The following KIF13A variants were observed in gnomAD, a reference collection of about 807,000 sequenced individuals.
KIF13A encodes kinesin-like protein KIF13A.
In KIF13A, 79 loss-of-function variants were observed where a neutral mutation model predicts 212.2. The observed-to-expected ratio is 0.37, with a 90% CI of 0.31 to 0.45. The LOEUF (loss-of-function observed/expected upper bound fraction) is 0.45. KIF13A is among the 20% of genes least tolerant of loss of function. KIF13A has a pLI of 1.00. For synonymous variants in KIF13A, 789 were observed against 808.6 expected, an observed-to-expected ratio of 0.98 and a Z score of 0.41; for missense variants, 1,901 against 2,209.0, an observed-to-expected ratio of 0.86 and a Z score of 2.79.
At chr6:17,975,578 C>G (rs1011125441) in intron 2 of KIF13A, among the ~76,000 whole-genome samples, 1 of 152,266 alleles carries the variant, frequency 6.6e-6, no homozygotes, top group African/African-American at 2.4e-5. Context: ...GAACAAAACG[C>G]GAACAAGTTA....
At chr6:17,803,941 A>G (rs931578818) in intron 20 of KIF13A, among the ~76,000 whole-genome samples, 2 of 152,236 alleles carry the variant, frequency 1.3e-5, no homozygotes, top group African/African-American at 2.4e-5. Context: ...TCACAAGGTC[A>G]GGAGATCAAG....
At chr6:17,880,193 T>C (rs1272515296) in intron 3 of KIF13A, among the ~76,000 whole-genome samples, 1 of 152,178 alleles carries the variant, frequency 6.6e-6, no homozygotes, top group Non-Finnish European at 1.5e-5. Context: ...TAGCCTCAAG[T>C]GATCTTCCTG....
rs1412719503 is a variant in KIF13A, at chr6:17,816,806, TG to T, written c.2000+213del. 6.6e-6 allele frequency among the ~76,000 whole-genome samples: 1 copy of T among 152,192 alleles called. No homozygotes were observed. Among genetic ancestry groups the T allele is most frequent in the Non-Finnish European group, 1.5e-5 (1 of 68,034 alleles). Reference sequence around the variant, plus strand: ...CATTTTTATTGAAGGGTAAATGGTTTGGGGGTAGGAGGGGTCTTTAACAGCT... The same window carrying T: ...CATTTTTATTGAAGGGTAAATGGTTTGGGGTAGGAGGGGTCTTTAACAGCT... On this transcript the variant is annotated intron_variant, in intron 17 of 38. Transcript: ENST00000259711. This position sits in a 1 kb window ranked among gnomAD's most constrained non-coding sequence, Gnocchi z 4.3.
intron 3 of KIF13A, among the ~76,000 whole-genome samples, chr6:17,890,302 C>CT (rs1222398851): frequency 6.6e-6 from 1 of 151,718 alleles, no homozygotes; most frequent in Non-Finnish European, 1.5e-5. Context: ...AGGAAGAATT[C>CT]TTTTTTTATT....
At chr6:17,944,246 C>T (rs1777192079) in intron 2 of KIF13A, among the ~76,000 whole-genome samples, 1 of 152,190 alleles carries the variant, frequency 6.6e-6, no homozygotes, top group Admixed American at 6.5e-5. Flanking sequence ...AAACTTCACC[C>T]TGTTTTCTGA....
intron 2 of KIF13A, among the ~76,000 whole-genome samples, chr6:17,979,442 T>C (rs1011675913): frequency 3.3e-5 from 5 of 152,290 alleles, no homozygotes; most frequent in Middle Eastern, 3.4e-3. Context: ...GGAAGTTCAA[T>C]AGAAAAGGGA....
At chr6:17,823,417 C>T (rs1764648228) in intron 16 of KIF13A, among the ~76,000 whole-genome samples, 1 of 150,940 alleles carries the variant, frequency 6.6e-6, no homozygotes, top group Admixed American at 6.6e-5. Context: ...CTCTCCCCGC[C>T]CCCCACTTCC....
Position 17,775,062 on chromosome 6 carries a change from C to T in KIF13A, c.4171G>A (p.Val1391Ile), listed in dbSNP as rs753403109. Residue 1391 changes from valine (V) to isoleucine (I), a missense_variant and splice_region_variant, in exon 35 of 39, where the codon GTC (valine) becomes ATC (isoleucine). Transcript: ENST00000259711. ...GAAAGGTCCGGTCGGCTGGAAGAGA[C>T]CTATAAGAGAAGAATGGTTTTAGCA... The part of the protein sequence containing the change: ...RSLSTPNVHN[V>I]SSSRPDLSGF... 6.2e-6 allele frequency: 10 copies of T among 1,610,132 alleles called. No homozygotes were observed. Among genetic ancestry groups the T allele is most frequent in the Non-Finnish European group, 8.5e-6 (10 of 1,177,916 alleles).
intron 19 of KIF13A, 49 bp downstream of exon 19, chr6:17,805,426 T>C: frequency 6.6e-7 from 1 of 1,518,074 alleles, no homozygotes; most frequent in Non-Finnish European, 9.1e-7. Context: ...TCGCTTATAT[T>C]CTCTGTTTTT....
intron 3 of KIF13A, among the ~76,000 whole-genome samples, chr6:17,874,542 TCTC>T (rs1420740737): frequency 1.3e-5 from 2 of 152,068 alleles, no homozygotes; most frequent in African/African-American, 2.4e-5. Context: ...CTCAAGTAAT[TCTC>T]CTGCCTTCAG....
rs1772978987 is a variant in KIF13A at position 17,900,754 on chromosome 6, A to G, written c.147-2574T>C. Among the ~76,000 whole-genome samples the G allele has an allele frequency of 6.6e-6, 1 of 152,126 alleles. No homozygotes were observed. The highest frequency in any genetic ancestry group is 2.4e-5 in the African/African-American group (1 of 41,422). On this transcript the variant is annotated intron_variant, in intron 2 of 38. Coordinates refer to ENST00000259711, the MANE Select transcript of KIF13A (RefSeq NM_022113.6). This position sits in a 1 kb window ranked among gnomAD's most constrained non-coding sequence, Gnocchi z 4.6. ...TTCATTCATTGATACACCTTTCTTA[A>G]GGTTTCTAAGGGACTCGAACAAAAC...
In KIF13A at chr6:17,924,288, T is replaced by C. The variant is rs138812253; in HGVS notation, c.147-26108A>G. Among the ~76,000 whole-genome samples the C allele has an allele frequency of 5.6e-3, 859 of 152,316 alleles. 13 individuals carry two copies. Among genetic ancestry groups the C allele is most frequent in the African/African-American group, 0.019 (794 of 41,556 alleles). On this transcript the variant is annotated intron_variant, in intron 2 of 38. Transcript: ENST00000259711. ...AATATTTTCCTGACACTAATTACAA[T>C]ACTAGTTAGAGCTGGTGACAATAGA... is the stretch of plus-strand genomic sequence containing the variant.
Position 17,816,943 on chromosome 6 carries a change from A to G in KIF13A, c.2000+77T>C, listed in dbSNP as rs1405366571. 6.1e-6 allele frequency: 7 copies of G among 1,150,972 alleles called. No individual in the cohort carries two copies. Among genetic ancestry groups the G allele is most frequent in the Non-Finnish European group, 8.6e-6 (7 of 815,076 alleles). 71.3% of individuals were successfully genotyped at this position (1,150,972 alleles called of 1,614,324 possible). On this transcript the variant is annotated intron_variant, in intron 17 of 38. Coordinates refer to ENST00000259711, the MANE Select transcript of KIF13A (RefSeq NM_022113.6). This position sits in a 1 kb window ranked among gnomAD's most constrained non-coding sequence, Gnocchi z 4.3. ...TCTTGTTGCTAGGTTTGTCCCTGAC[A>G]TGTCTCAAAAACCCCTCCCTCAAAG...
In KIF13A at chr6:17,887,357, T is replaced by A. The variant is rs191024910; in HGVS notation, c.159+10811A>T. Among the ~76,000 whole-genome samples, 45 of 152,316 alleles carry A rather than the reference T, an allele frequency of 3.0e-4. 1 individual carries two copies. The highest frequency in any genetic ancestry group is 6.8e-3 in the Middle Eastern group (2 of 294). On this transcript the variant is annotated intron_variant, in intron 3 of 38. Coordinates refer to ENST00000259711, the MANE Select transcript of KIF13A (RefSeq NM_022113.6). ...AACATTTAAGGTTGTTACTGTTGCA[T>A]CACGGAGCATAAGCAGGTTCACACA...
chr6:17,885,684 C>T (rs1402214601), intron 3 of KIF13A, among the ~76,000 whole-genome samples: 1 of 152,188 alleles, frequency 6.6e-6, no homozygotes, highest in East Asian at 1.9e-4. Context: ...ATGAATAAAT[C>T]TGAAAACAGG....
intron 2 of KIF13A, among the ~76,000 whole-genome samples, chr6:17,924,120 A>T (rs1332774898): frequency 6.6e-6 from 1 of 152,240 alleles, no homozygotes; most frequent in Non-Finnish European, 1.5e-5. Context: ...AAAAATTATC[A>T]GGATCACTGA....
At chr6:17,893,878 C>T (rs557696982) in intron 3 of KIF13A, among the ~76,000 whole-genome samples, 15 of 133,814 alleles carry the variant, frequency 1.1e-4, no homozygotes, top group Non-Finnish European at 1.5e-4. Flanking sequence ...CTTGCTCTGT[C>T]GCCCAGGCTG....
At chr6:17,905,008 T>G (rs1258587020) in intron 2 of KIF13A, among the ~76,000 whole-genome samples, 1 of 152,228 alleles carries the variant, frequency 6.6e-6, no homozygotes, top group Admixed American at 6.5e-5. Context: ...ATCGAAATCT[T>G]CTAAGTCAAA....
chr6:17,910,051 C>A (rs943519131), intron 2 of KIF13A, among the ~76,000 whole-genome samples: 1 of 152,242 alleles, frequency 6.6e-6, no homozygotes, highest in South Asian at 2.1e-4. Flanking sequence ...CACCTGACAT[C>A]TGGTCTCACA....
Sources: gnomAD v4.1 joint callset for allele counts (sites outside exome capture counted in the v4.1 genomes callset) on GRCh38, gnomAD v4.1.1 for gene constraint, Gnocchi (gnomAD v3.1) non-coding constraint, MANE v1.5 for transcripts, NCBI Gene and HGNC (gene_info 2026-07-23, HGNC 2026-07-21) for gene names.